Variants in REDIC1 observed in about 807,000 individuals in gnomAD.
REDIC1 encodes the protein regulator of DNA class I crossover intermediates 1.
chr12:39,885,170 G>A, the REDIC1 span, among the ~76,000 whole-genome samples: 1 of 152,344 alleles, frequency 6.6e-6, no homozygotes, highest in African/African-American at 2.4e-5. Flanking sequence ...ACTGAGTGGG[G>A]AAGAAGGATC....
At chr12:39,832,091 G>A in the REDIC1 span, among the ~76,000 whole-genome samples, 1 of 152,078 alleles carries the variant, frequency 6.6e-6, no homozygotes, top group African/African-American at 2.4e-5. Context: ...AAAAGCAAAA[G>A]AGAGGCCATT....
chr12:39,764,382 C>A, the REDIC1 span: 1 of 1,270,560 alleles, frequency 7.9e-7, no homozygotes. Flanking sequence ...TAGTCTCAAT[C>A]ACAAATGATA....
the REDIC1 span, among the ~76,000 whole-genome samples, chr12:39,735,983 G>A: frequency 3.9e-5 from 6 of 152,192 alleles, no homozygotes; most frequent in Non-Finnish European, 8.8e-5. Context: ...GGACTAAAGG[G>A]GACAGAGACA....
At chr12:39,732,803 G>A in the REDIC1 span, among the ~76,000 whole-genome samples, 1 of 151,974 alleles carries the variant, frequency 6.6e-6, no homozygotes, top group Non-Finnish European at 1.5e-5. Flanking sequence ...CCCATATTTG[G>A]CCAAAGATGG....
At chr12:39,754,897 T>C in the REDIC1 span, 1 of 152,056 alleles carries the variant, frequency 6.6e-6, no homozygotes, top group South Asian at 2.1e-4. Flanking sequence ...AGAAATAAAA[T>C]ATCATTAAAA....
the REDIC1 span, among the ~76,000 whole-genome samples, chr12:39,711,447 A>ATC: frequency 4.2e-5 from 2 of 47,450 alleles, no homozygotes; most frequent in African/African-American, 1.0e-4. Flanking sequence ...ATGTGTGTAC[A>ATC]TATATACACA....
At chr12:39,630,777 G>A in the REDIC1 span, among the ~76,000 whole-genome samples, 1 of 152,166 alleles carries the variant, frequency 6.6e-6, no homozygotes, top group African/African-American at 2.4e-5. Flanking sequence ...GATAATGTCT[G>A]CATATGTCTG....
chr12:39,668,930 T>A, the REDIC1 span, among the ~76,000 whole-genome samples: 1 of 149,518 alleles, frequency 6.7e-6, no homozygotes, highest in East Asian at 2.0e-4. Context: ...CTTCTCTGCA[T>A]TGGTTATTCT....
At chr12:39,834,381 C>A in the REDIC1 span, among the ~76,000 whole-genome samples, 18 of 152,046 alleles carry the variant, frequency 1.2e-4, no homozygotes, top group Admixed American at 7.2e-4. Context: ...GCTCTGAAAA[C>A]AAGTGTTCCA....
the REDIC1 span, chr12:39,650,225 ATT>A: frequency 5.6e-6 from 8 of 1,433,368 alleles, no homozygotes; most frequent in South Asian, 2.9e-5. This position sits in a 1 kb window ranked among gnomAD's most constrained non-coding sequence, Gnocchi z 4.3. Context: ...GTTTCTTCAA[ATT>A]TTTTTTTTCA....
chr12:39,699,244 C>T, the REDIC1 span, among the ~76,000 whole-genome samples: 1 of 152,176 alleles, frequency 6.6e-6, no homozygotes, highest in Non-Finnish European at 1.5e-5. Context: ...TGGGTGTGCG[C>T]ACCATGCATG....
the REDIC1 span, among the ~76,000 whole-genome samples, chr12:39,713,724 C>T: frequency 3.4e-5 from 5 of 148,824 alleles, no homozygotes; most frequent in South Asian, 8.3e-4. Context: ...TGCCTGTATA[C>T]ATGCGTATAT....
At chr12:39,688,091 C>T in the REDIC1 span, among the ~76,000 whole-genome samples, 107 of 152,258 alleles carry the variant, frequency 7.0e-4, 1 homozygote, top group African/African-American at 2.5e-3. Context: ...GTATGCTAGA[C>T]ACTGGGGATA....
chr12:39,713,033 GTATATATACATGTGTATATACGTGTATA>G, the REDIC1 span, among the ~76,000 whole-genome samples: 1 of 137,348 alleles, frequency 7.3e-6, no homozygotes, highest in East Asian at 2.1e-4. Context: ...ACGTGTATAT[GTATATATACATGTGTATATACGTGTATA>G]TGTGTATACA....
the REDIC1 span, among the ~76,000 whole-genome samples, chr12:39,707,584 A>G: frequency 1.2e-4 from 19 of 152,058 alleles, 1 homozygote; most frequent in Admixed American, 1.1e-3. Context: ...ACTGTTCACA[A>G]TATCCAAGAT....
At chr12:39,677,429 C>A in the REDIC1 span, among the ~76,000 whole-genome samples, 2 of 151,968 alleles carry the variant, frequency 1.3e-5, no homozygotes, top group Non-Finnish European at 2.9e-5. Context: ...AACACAGGAG[C>A]TCCCAAATTT....
chr12:39,797,747 C>T, the REDIC1 span, among the ~76,000 whole-genome samples: 9 of 151,874 alleles, frequency 5.9e-5, no homozygotes, highest in Non-Finnish European at 7.4e-5. Flanking sequence ...CACACACACA[C>T]ACACACACAC....
the REDIC1 span, among the ~76,000 whole-genome samples, chr12:39,825,970 C>T: frequency 6.6e-6 from 1 of 152,052 alleles, no homozygotes; most frequent in African/African-American, 2.4e-5. Flanking sequence ...TTTAGTTTCC[C>T]AGCTAAACTA....
chr12:39,852,474 A>G, the REDIC1 span, among the ~76,000 whole-genome samples: 1 of 152,234 alleles, frequency 6.6e-6, no homozygotes, highest in Non-Finnish European at 1.5e-5. Context: ...GAGAATAAAG[A>G]GGACTTGTTC....
Sources: gnomAD v4.1 joint callset for allele counts (sites outside exome capture counted in the v4.1 genomes callset) on GRCh38, gnomAD v4.1.1 for gene constraint, Gnocchi (gnomAD v3.1) non-coding constraint, MANE v1.5 for transcripts, NCBI Gene and HGNC (gene_info 2026-07-23, HGNC 2026-07-21) for gene names.